MACROD2: variants seen among roughly 807,000 people sequenced by gnomAD.
MACROD2 encodes ADP-ribose glycohydrolase MACROD2.
Under a neutral mutation model 70.4 loss-of-function variants are expected in MACROD2, and 36 were observed. The ratio of observed to expected loss-of-function variants is 0.51; its 90% CI spans 0.39 to 0.68. The LOEUF (loss-of-function observed/expected upper bound fraction) is 0.68. Among genes scored for constraint, MACROD2 ranks in the 30% least tolerant of loss-of-function variants. The probability of loss-of-function intolerance (pLI) is 0.00; values close to 1 mark genes in which losing one functional copy is unlikely to be tolerated. For synonymous variants in MACROD2, 172 were observed against 178.8 expected (o/e 0.96, Z 0.30); for missense variants, 496 against 538.4 (o/e 0.92, Z 0.78).
intron 5 of MACROD2, among the ~76,000 whole-genome samples, chr20:14,739,770 A>C (rs1406130640): frequency 6.6e-6 from 1 of 152,090 alleles, no homozygotes; most frequent in African/African-American, 2.4e-5. Context: ...ACATTGACTG[A>C]ATATTGGAAG....
chr20:16,016,990 C>G (rs2066938442), intron 15 of MACROD2, among the ~76,000 whole-genome samples: 1 of 152,224 alleles, frequency 6.6e-6, no homozygotes, highest in Admixed American at 6.5e-5. Context: ...ATCAAAACTA[C>G]CTTTCACATC....
intron 3 of MACROD2, among the ~76,000 whole-genome samples, chr20:14,456,082 T>C (rs1395250033): frequency 6.6e-6 from 1 of 151,822 alleles, no homozygotes; most frequent in Non-Finnish European, 1.5e-5. Flanking sequence ...ATCAAAATTA[T>C]AGTTCAGATA....
At chr20:15,738,941 T>G (rs555031897) in intron 8 of MACROD2, among the ~76,000 whole-genome samples, 1 of 152,256 alleles carries the variant, frequency 6.6e-6, no homozygotes, top group Admixed American at 6.5e-5. Context: ...TACAATCATT[T>G]TAATAGCTGG....
intron 4 of MACROD2, among the ~76,000 whole-genome samples, chr20:14,534,930 A>T (rs1428413631): frequency 6.6e-6 from 1 of 152,212 alleles, no homozygotes; most frequent in Non-Finnish European, 1.5e-5. Context: ...TATGAAATAT[A>T]TTGTTGTCCT....
At position 15,341,718 on chromosome 20, in the gene MACROD2, G is replaced by GA. The variant is rs537944715; in HGVS notation, c.541-89679dup. On this transcript the variant is annotated intron_variant, in intron 6 of 17. Coordinates refer to ENST00000684519, the MANE Select transcript of MACROD2 (RefSeq NM_001351661.2). ...GTATTGACTAGTAGATTCTTACTGA[G>GA]AAAAAAAATGAAAGAAGTAAAAGTA... is the stretch of plus-strand genomic sequence containing the variant. Among the ~76,000 whole-genome samples, 414 of 151,828 alleles carry GA rather than the reference G, an allele frequency of 2.7e-3. 4 individuals carry two copies. Among genetic ancestry groups the GA allele is most frequent in the African/African-American group, 9.5e-3 (394 of 41,402 alleles).
At chr20:14,580,214 A>G (rs1230678899) in intron 4 of MACROD2, among the ~76,000 whole-genome samples, 2 of 152,218 alleles carry the variant, frequency 1.3e-5, no homozygotes, top group Non-Finnish European at 2.9e-5. Flanking sequence ...AGTATTGTAT[A>G]TGGTGGCTGA....
At chr20:14,395,417 C>A (rs1374314697) in intron 3 of MACROD2, among the ~76,000 whole-genome samples, 1 of 152,030 alleles carries the variant, frequency 6.6e-6, no homozygotes, top group Non-Finnish European at 1.5e-5. Context: ...ATCCTTTTAA[C>A]ATATGTAATC....
intron 5 of MACROD2, among the ~76,000 whole-genome samples, chr20:14,715,188 C>T (rs2071383683): frequency 1.3e-5 from 2 of 151,954 alleles, no homozygotes; most frequent in African/African-American, 2.4e-5. Flanking sequence ...GAGAGCTGAG[C>T]GAAGGGGGAA....
At chr20:15,406,804 C>T (rs562511422) in intron 6 of MACROD2, among the ~76,000 whole-genome samples, 1 of 152,274 alleles carries the variant, frequency 6.6e-6, no homozygotes, top group Non-Finnish European at 1.5e-5. Flanking sequence ...GTCATTAGCT[C>T]AAGGCACAGA....
At chr20:15,237,062 A>G (rs1162355514) in intron 6 of MACROD2, among the ~76,000 whole-genome samples, 2 of 152,190 alleles carry the variant, frequency 1.3e-5, no homozygotes, top group Non-Finnish European at 2.9e-5. Context: ...ATGTTGTGAC[A>G]TGTGGTCTGG....
intron 4 of MACROD2, among the ~76,000 whole-genome samples, chr20:14,550,998 T>C (rs1026485865): frequency 6.6e-6 from 1 of 152,180 alleles, no homozygotes; most frequent in Non-Finnish European, 1.5e-5. Context: ...TTACCCTTTC[T>C]TTTATGCAGA....
chr20:14,453,105 G>C (rs2084262792), intron 3 of MACROD2, among the ~76,000 whole-genome samples: 1 of 152,074 alleles, frequency 6.6e-6, no homozygotes, highest in South Asian at 2.1e-4. Flanking sequence ...GCTTTTTTCT[G>C]TTCTAACATG....
chr20:15,105,753 C>A (rs138133450), intron 5 of MACROD2, among the ~76,000 whole-genome samples: 1 of 152,204 alleles, frequency 6.6e-6, no homozygotes, highest in East Asian at 1.9e-4. Flanking sequence ...GGTTGCCTAC[C>A]CCATGCCACG....
intron 6 of MACROD2, among the ~76,000 whole-genome samples, chr20:15,328,462 T>G (rs2077956380): frequency 6.6e-6 from 1 of 152,152 alleles, no homozygotes; most frequent in Non-Finnish European, 1.5e-5. Context: ...GGCAGTTAAA[T>G]GAGAATAGAC....
chr20:15,275,058 G>A (rs544302311), intron 6 of MACROD2, among the ~76,000 whole-genome samples: 3 of 152,216 alleles, frequency 2.0e-5, no homozygotes, highest in South Asian at 4.2e-4. Flanking sequence ...ACTGGGGGTG[G>A]GGGAGGTGCT....
At chr20:15,140,583 A>G (rs1347337016) in intron 5 of MACROD2, among the ~76,000 whole-genome samples, 2 of 152,026 alleles carry the variant, frequency 1.3e-5, no homozygotes, top group Non-Finnish European at 2.9e-5. Flanking sequence ...AATAAATTTA[A>G]CTCCTCTACA....
Position 16,051,850 on chromosome 20 carries a change from CA to C in MACROD2, c.*1975del, listed in dbSNP as rs1316565767. ...AGTAATGAGTTACAGTTGAAAAAAACATGAGGGAAACAGAGGGACAGAGATT... is the reference window on the plus strand; with the variant it reads ...AGTAATGAGTTACAGTTGAAAAAAACTGAGGGAAACAGAGGGACAGAGATT... On this transcript the variant is annotated 3_prime_UTR_variant, in exon 18 of 18. Transcript: ENST00000684519. 1 of 151,948 alleles carries C rather than the reference CA, an allele frequency of 6.6e-6. No individual in the cohort carries two copies. Among genetic ancestry groups the C allele is most frequent in the East Asian group, 1.9e-4 (1 of 5,178 alleles). 9.4% of individuals were successfully genotyped at this position (151,948 alleles called of 1,614,324 possible). A position where few individuals can be genotyped will look rare whatever the true frequency, so the allele number is the denominator to read the frequency against.
chr20:14,800,535 G>A, intron 5 of MACROD2, among the ~76,000 whole-genome samples: 1 of 152,118 alleles, frequency 6.6e-6, no homozygotes, highest in East Asian at 1.9e-4. Flanking sequence ...TCTGATGAGA[G>A]TAGGTTGCCC....
At chr20:16,011,944 T>A (rs2066868921) in intron 15 of MACROD2, among the ~76,000 whole-genome samples, 1 of 152,160 alleles carries the variant, frequency 6.6e-6, no homozygotes, top group Admixed American at 6.5e-5. Flanking sequence ...GCTGCACAGC[T>A]CCACACGATG....
Sources: allele counts gnomAD v4.1 joint callset (sites outside exome capture counted in the v4.1 genomes callset), GRCh38; gene constraint gnomAD v4.1.1; transcripts MANE v1.5; gene names NCBI Gene and HGNC (gene_info 2026-07-23, HGNC 2026-07-21).